Variants in ARHGAP32 observed in about 807,000 individuals in gnomAD.
The protein encoded by ARHGAP32 is Rho GTPase activating protein 32, also known as rho GTPase-activating protein 32.
A neutral mutation model predicts 186.5 loss-of-function variants in ARHGAP32; 51 were observed. That is an observed-to-expected ratio of 0.27 (90% CI 0.22 to 0.35). The LOEUF (loss-of-function observed/expected upper bound fraction) is 0.35. Among genes scored for constraint, ARHGAP32 ranks in the 10% least tolerant of loss-of-function variants. The pLI, the probability that ARHGAP32 is intolerant of heterozygous loss-of-function variation, is 1.00. For missense variants in ARHGAP32, 2,186 were observed against 2,623.5 expected (o/e 0.83, Z 3.64); for synonymous variants, 950 against 964.3 (o/e 0.99, Z 0.27).
chr11:129,200,001 T>C (rs1944439196), intron 1 of ARHGAP32, among the ~76,000 whole-genome samples: 9 of 152,174 alleles, frequency 5.9e-5, no homozygotes, highest in Admixed American at 5.9e-4. Context: ...AGCTTTAAGA[T>C]TTGACTGCCC....
Position 128,974,170 on chromosome 11 carries a change from G to C in ARHGAP32, c.3027C>G (p.Val1009=). 1 of 1,614,186 alleles carries C rather than the reference G, an allele frequency of 6.2e-7. No individual in the cohort carries two copies. Among genetic ancestry groups the C allele is most frequent in the Non-Finnish European group, 8.5e-7 (1 of 1,180,026 alleles). The change falls in exon 21 of 23, where the codon GTC becomes GTG. Residue 1009 remains valine (V), a synonymous_variant. Coordinates refer to ENST00000682385, the MANE Select transcript of ARHGAP32 (RefSeq NM_001378024.1). The stretch of plus-strand genomic sequence containing the variant: ...CTACAGCCTTACTCTGACTGCTTGA[G>C]ACAGACTGATCCTCTTTCCCTGGCA... ...VELPGKEDQS[V]SSSQSKAVAS...
At chr11:129,095,737 G>T (rs1046371757) in intron 5 of ARHGAP32, among the ~76,000 whole-genome samples, 1 of 152,242 alleles carries the variant, frequency 6.6e-6, no homozygotes, top group Non-Finnish European at 1.5e-5. Flanking sequence ...GCAAGGGGAA[G>T]AGTGCTCTCC....
At chr11:129,167,889 T>TA (rs1013326394) in intron 1 of ARHGAP32, among the ~76,000 whole-genome samples, 38 of 152,222 alleles carry the variant, frequency 2.5e-4, no homozygotes, top group Middle Eastern at 3.4e-3. Flanking sequence ...TTCTTTTAGT[T>TA]AAAAAAAGTA....
intron 1 of ARHGAP32, among the ~76,000 whole-genome samples, chr11:129,214,267 T>C (rs989360101): frequency 2.6e-5 from 4 of 152,154 alleles, no homozygotes; most frequent in African/African-American, 9.7e-5. Context: ...CAGTTAACAA[T>C]AATATATCCA....
intron 6 of ARHGAP32, among the ~76,000 whole-genome samples, chr11:129,087,383 T>C (rs1176285447): frequency 1.3e-5 from 2 of 152,186 alleles, no homozygotes; most frequent in African/African-American, 2.4e-5. Flanking sequence ...AAATGTGGTA[T>C]AACCAGACAA....
At chr11:129,144,200 G>T (rs938872983) in intron 2 of ARHGAP32, among the ~76,000 whole-genome samples, 17 of 152,094 alleles carry the variant, frequency 1.1e-4, no homozygotes, top group Non-Finnish European at 2.5e-4. Context: ...CAAAATTGTT[G>T]CAGGTCCTTA....
chr11:129,218,795 A>C (rs970049725), intron 1 of ARHGAP32, among the ~76,000 whole-genome samples: 1 of 152,116 alleles, frequency 6.6e-6, no homozygotes, highest in Non-Finnish European at 1.5e-5. Flanking sequence ...AAAAAGTAAA[A>C]CCTTATAGTA....
At chr11:129,049,551 C>G (rs974062575) in intron 10 of ARHGAP32, among the ~76,000 whole-genome samples, 7 of 152,188 alleles carry the variant, frequency 4.6e-5, no homozygotes, top group African/African-American at 1.7e-4. Flanking sequence ...CCCATCACTG[C>G]TCCTCGGGCA....
At chr11:128,982,881 A>C (rs867501967) in intron 15 of ARHGAP32, among the ~76,000 whole-genome samples, 1 of 132,690 alleles carries the variant, frequency 7.5e-6, no homozygotes, top group South Asian at 2.6e-4. Flanking sequence ...ACAGAGTGAG[A>C]CCTTGTCTTT....
chr11:129,236,283 T>C (rs1252612495), intron 1 of ARHGAP32, among the ~76,000 whole-genome samples: 2 of 152,144 alleles, frequency 1.3e-5, no homozygotes, highest in Non-Finnish European at 2.9e-5. Flanking sequence ...GAGGTAGTAT[T>C]GCACAGTGGT....
Position 129,060,380 on chromosome 11 carries a change from GATAA to G in ARHGAP32, c.963+1896_963+1899del, listed in dbSNP as rs796238424. Among the ~76,000 whole-genome samples the G allele has an allele frequency of 3.8e-3, 548 of 146,112 alleles. 3 individuals are homozygous for G. Among genetic ancestry groups the G allele is most frequent in the African/African-American group, 0.013 (506 of 39,242 alleles). On this transcript the variant is annotated intron_variant, in intron 10 of 22. Transcript: ENST00000682385. ...AGATAGATAGATAGATAGATAGATA[GATAA>G]GATAGACAGACAGACAGACAGACAG...
chr11:129,141,808 C>A (rs1417984915), intron 2 of ARHGAP32, among the ~76,000 whole-genome samples: 7 of 149,348 alleles, frequency 4.7e-5, no homozygotes, highest in African/African-American at 1.7e-4. Flanking sequence ...TTTCTTTTCA[C>A]TTTTCTGTAT....
At chr11:129,097,026 A>G (rs1386806105) in intron 5 of ARHGAP32, among the ~76,000 whole-genome samples, 1 of 152,158 alleles carries the variant, frequency 6.6e-6, no homozygotes, top group Non-Finnish European at 1.5e-5. Flanking sequence ...AAACAAACAA[A>G]AACAATAAAA....
chr11:129,224,002 C>T (rs966585462), intron 1 of ARHGAP32, among the ~76,000 whole-genome samples: 3 of 152,154 alleles, frequency 2.0e-5, no homozygotes, highest in Admixed American at 6.5e-5. Flanking sequence ...TGGCTTTCTT[C>T]TTGAGTACAA....
intron 1 of ARHGAP32, among the ~76,000 whole-genome samples, chr11:129,232,284 CACTTTAT>C (rs1944869674): frequency 6.6e-6 from 1 of 152,138 alleles, no homozygotes; most frequent in African/African-American, 2.4e-5. Context: ...AAGCACTTTA[CACTTTAT>C]ACAACAGAGG....
chr11:129,276,335 C>T (rs1178834366), intron 1 of ARHGAP32, among the ~76,000 whole-genome samples: 1 of 152,172 alleles, frequency 6.6e-6, no homozygotes, highest in African/African-American at 2.4e-5. Context: ...GGATCTCACT[C>T]TGTTGACCAG....
intron 5 of ARHGAP32, among the ~76,000 whole-genome samples, chr11:129,118,383 G>T (rs1398678967): frequency 6.6e-6 from 1 of 151,884 alleles, no homozygotes; most frequent in Non-Finnish European, 1.5e-5. Flanking sequence ...GAAAGTTTAT[G>T]CTTAGAAATT....
At chr11:129,117,907 T>G (rs960027040) in intron 5 of ARHGAP32, among the ~76,000 whole-genome samples, 1 of 152,046 alleles carries the variant, frequency 6.6e-6, no homozygotes, top group African/African-American at 2.4e-5. Context: ...GAATTAACCT[T>G]TGTTTTTGGA....
intron 22 of ARHGAP32, 143 bp downstream of exon 22, chr11:128,972,310 A>G: frequency 1.1e-6 from 1 of 919,048 alleles, no homozygotes; most frequent in South Asian, 3.0e-5. Flanking sequence ...CCAACCTCAA[A>G]TGGGAACTAT....
Sources: allele counts gnomAD v4.1 joint callset (sites outside exome capture counted in the v4.1 genomes callset), GRCh38; gene constraint gnomAD v4.1.1; transcripts MANE v1.5; gene names NCBI Gene and HGNC (gene_info 2026-07-23, HGNC 2026-07-21).